Variants in RNF43 observed in about 807,000 individuals in gnomAD.
RNF43 encodes the protein E3 ubiquitin-protein ligase RNF43.
RNF43 carries 37 observed loss-of-function variants against 78.4 expected under a neutral mutation model. The ratio of observed to expected loss-of-function variants is 0.47; its 90% CI spans 0.36 to 0.62. The LOEUF (loss-of-function observed/expected upper bound fraction) is 0.62. Ranked by LOEUF, RNF43 falls within the 20% of genes least tolerant of loss-of-function variation. RNF43 has a pLI of 0.00. For synonymous variants in RNF43, 347 were observed against 395.0 expected, an observed-to-expected ratio of 0.88 and a Z score of 1.44; for missense variants, 774 against 1,007.9, an observed-to-expected ratio of 0.77 and a Z score of 3.14.
intron 2 of RNF43, among the ~76,000 whole-genome samples, chr17:58,395,325 T>C (rs963520064): frequency 5.9e-5 from 9 of 152,186 alleles, no homozygotes; most frequent in Admixed American, 6.5e-5. Context: ...TGATGTTAAG[T>C]TCCCTAGCTT....
At chr17:58,393,781 G>A (rs1235725779) in intron 2 of RNF43, among the ~76,000 whole-genome samples, 3 of 152,180 alleles carry the variant, frequency 2.0e-5, no homozygotes, top group Admixed American at 6.5e-5. Context: ...AGGGCCGGGC[G>A]CGGTGGCTCA....
chr17:58,396,783 C>A (rs1023102145), intron 2 of RNF43, among the ~76,000 whole-genome samples: 1 of 152,026 alleles, frequency 6.6e-6, no homozygotes, highest in African/African-American at 2.4e-5. Context: ...TACATCTATA[C>A]AATATATAGA....
rs1972627173 is a variant in RNF43, at chr17:58,353,938, T to A, written c.*1005A>T. 5.4e-6 allele frequency: 1 copy of A among 185,492 alleles called. No individual in the cohort carries two copies. Among genetic ancestry groups the A allele is most frequent in the Non-Finnish European group, 1.1e-5 (1 of 87,338 alleles). 11.5% of individuals were successfully genotyped at this position (185,492 alleles called of 1,614,324 possible). ...CCCTGATGAGGCCCATCAGCTCTTG[T>A]CCACTCAGTGAGGCCAGACTTGTGC... is the stretch of plus-strand genomic sequence containing the variant. On this transcript the variant is annotated 3_prime_UTR_variant, in exon 10 of 10. Coordinates refer to ENST00000407977, the MANE Select transcript of RNF43 (RefSeq NM_017763.6).
chr17:58,403,966 T>G (rs1194913280), intron 2 of RNF43, among the ~76,000 whole-genome samples: 2 of 152,314 alleles, frequency 1.3e-5, no homozygotes, highest in South Asian at 4.1e-4. Flanking sequence ...GTGATTGAAG[T>G]CAGTGTGCTC....
In RNF43 at chr17:58,386,818, C is replaced by CT. The variant is rs1002101792; in HGVS notation, c.253-15786dup. Among the ~76,000 whole-genome samples, 37 of 148,896 alleles carry CT rather than the reference C, an allele frequency of 2.5e-4. 1 individual carries two copies. The highest frequency in any genetic ancestry group is 7.8e-4 in the East Asian group (4 of 5,104). ...TAATTTTCACCTTTTGCTTTATATT[C>CT]TTTTTTTTTTAATAAACAGAGATGG... On this transcript the variant is annotated intron_variant, in intron 2 of 9. Transcript: ENST00000407977.
intron 2 of RNF43, among the ~76,000 whole-genome samples, chr17:58,393,941 A>G (rs1016551835): frequency 1.3e-5 from 2 of 152,192 alleles, no homozygotes; most frequent in African/African-American, 4.8e-5. Context: ...CTGTAGTCCC[A>G]GCTACTCGGG....
In RNF43 at chr17:58,415,877, T is replaced by C; in HGVS notation, c.-300A>G. On this transcript the variant is annotated 5_prime_UTR_variant, in exon 2 of 10. Coordinates refer to ENST00000407977, the MANE Select transcript of RNF43 (RefSeq NM_017763.6). ...CACTTCTCTTTGGAATTTCCAACTT[T>C]GCTTGTGATTGAATGTCACTTCGTG... 1 of 454,642 alleles carries C rather than the reference T, an allele frequency of 2.2e-6. No homozygotes were observed. Among genetic ancestry groups the C allele is most frequent in the East Asian group, 3.7e-5 (1 of 27,348 alleles). 28.2% of individuals were successfully genotyped at this position (454,642 alleles called of 1,614,324 possible).
intron 2 of RNF43, among the ~76,000 whole-genome samples, chr17:58,384,779 A>T (rs1207705417): frequency 6.6e-6 from 1 of 152,216 alleles, no homozygotes; most frequent in Non-Finnish European, 1.5e-5. Flanking sequence ...ACCTCCAATG[A>T]CATAGAGAAA....
In RNF43 at chr17:58,415,377, A is replaced by G; in HGVS notation, c.201T>C (p.Gly67=). 1 of 1,614,212 alleles carries G rather than the reference A, an allele frequency of 6.2e-7. No individual in the cohort carries two copies. The highest frequency in any genetic ancestry group is 1.1e-5 in the South Asian group (1 of 91,078). Residue 67 remains glycine, a synonymous_variant, in exon 2 of 10, where the codon GGT becomes GGC. Transcript: ENST00000407977. ...PTGKLNLTLE[G]VFAGVAEITP... ...TTATTTCAGCAACACCAGCAAACAC[A>G]CCTTCCAAAGTGAGATTCAGTTTTC...
In RNF43 at chr17:58,357,735, A is replaced by G. The variant is rs2143392137; in HGVS notation, c.2041T>C (p.Phe681Leu). ...GCCACACTGGGGGTGTAATGGGGAAAAATCTGGCAAGCTGGGTGCACAGTT... is the reference window on the plus strand; with the variant it reads ...GCCACACTGGGGGTGTAATGGGGAAGAATCTGGCAAGCTGGGTGCACAGTT... ...DATVHPACQI[F>L]PHYTPSVAYP... Residue 681 changes from phenylalanine to leucine, a missense_variant, in exon 9 of 10, where the codon TTT (phenylalanine) becomes CTT (leucine). By Grantham distance (22) the Phe-to-Leu change is conservative. Coordinates refer to ENST00000407977, the MANE Select transcript of RNF43 (RefSeq NM_017763.6). The surrounding 1 kb of genome is among the most constrained non-coding windows in gnomAD (Gnocchi z 4.5). The G allele has an allele frequency of 6.2e-7, 1 of 1,612,104 alleles. No individual in the cohort carries two copies. The highest frequency in any genetic ancestry group is 8.5e-7 in the Non-Finnish European group (1 of 1,179,040).
chr17:58,410,798 C>T (rs1974012091), intron 2 of RNF43, among the ~76,000 whole-genome samples: 1 of 152,132 alleles, frequency 6.6e-6, no homozygotes, highest in Admixed American at 6.5e-5. Flanking sequence ...AGAAGAAATA[C>T]AGAGATTATT....
At chr17:58,355,648 C>A (rs569006855) in intron 9 of RNF43, among the ~76,000 whole-genome samples, 1 of 152,200 alleles carries the variant, frequency 6.6e-6, no homozygotes, top group African/African-American at 2.4e-5. Flanking sequence ...GTGCAGGAAC[C>A]TTTGAGGCCA....
At chr17:58,401,832 A>C (rs1032698759) in intron 2 of RNF43, among the ~76,000 whole-genome samples, 7 of 152,068 alleles carry the variant, frequency 4.6e-5, no homozygotes, top group Admixed American at 3.9e-4. Flanking sequence ...ATAAAAAAAA[A>C]AAAAAAACCT....
chr17:58,368,890 T>C (rs1973014283), intron 3 of RNF43, among the ~76,000 whole-genome samples: 1 of 152,080 alleles, frequency 6.6e-6, no homozygotes, highest in African/African-American at 2.4e-5. Context: ...ATATTGCAGG[T>C]AGCTCAAAGA....
chr17:58,406,060 C>T (rs2143662047), intron 2 of RNF43, among the ~76,000 whole-genome samples: 1 of 152,306 alleles, frequency 6.6e-6, no homozygotes, highest in Admixed American at 6.5e-5. Flanking sequence ...TACAGACCAC[C>T]TGATGTGCAG....
At position 58,371,000 on chromosome 17, in the gene RNF43, C is replaced by T. The variant is rs1973083437; in HGVS notation, c.286G>A (p.Asp96Asn). The change falls in exon 3 of 10, where the codon GAC (aspartate) becomes AAC (asparagine). Residue 96 changes from aspartate to asparagine, a missense_variant. By Grantham distance (23) the Asp-to-Asn change is conservative. Coordinates refer to ENST00000407977, the MANE Select transcript of RNF43 (RefSeq NM_017763.6). ...HPLYLCNASD[D>N]DNLEPGFISI... ...ATGAATCCAGGCTCCAGATTGTCGTCATCACTGGCATTGCACAGGTACAGC... is the reference window on the plus strand; with the variant it reads ...ATGAATCCAGGCTCCAGATTGTCGTTATCACTGGCATTGCACAGGTACAGC... 6.2e-7 allele frequency: 1 copy of T among 1,610,232 alleles called. No individual in the cohort carries two copies. The highest frequency in any genetic ancestry group is 8.5e-7 in the Non-Finnish European group (1 of 1,177,680).
intron 3 of RNF43, among the ~76,000 whole-genome samples, chr17:58,366,972 T>C (rs1292081550): frequency 6.7e-6 from 1 of 150,290 alleles, no homozygotes; most frequent in Non-Finnish European, 1.5e-5. Context: ...ATTACAGGCA[T>C]ACACCACAAG....
Position 58,363,520 on chromosome 17 carries a change from G to C in RNF43, c.450+6C>G, listed in dbSNP as rs1567877024. 1 of 1,611,650 alleles carries C rather than the reference G, an allele frequency of 6.2e-7. No homozygotes were observed. On this transcript the variant is annotated splice_donor_region_variant and intron_variant, in intron 4 of 9. Coordinates refer to ENST00000407977, the MANE Select transcript of RNF43 (RefSeq NM_017763.6). ...CCACCTTGAACACGCAAATGTCCCT[G>C]GGTACCTGCTCAGCAGCAGCTCGAT... is the stretch of plus-strand genomic sequence containing the variant.
At chr17:58,380,078 T>C (rs1384189529) in intron 2 of RNF43, among the ~76,000 whole-genome samples, 1 of 152,186 alleles carries the variant, frequency 6.6e-6, no homozygotes, top group Non-Finnish European at 1.5e-5. Flanking sequence ...CCCAGTCATG[T>C]GTTCTGGACT....
Sources: gnomAD v4.1 joint callset for allele counts (sites outside exome capture counted in the v4.1 genomes callset) on GRCh38, gnomAD v4.1.1 for gene constraint, Gnocchi (gnomAD v3.1) non-coding constraint, MANE v1.5 for transcripts, NCBI Gene and HGNC (gene_info 2026-07-23, HGNC 2026-07-21) for gene names.